PLA2R1: variants seen among roughly 807,000 people sequenced by gnomAD.
PLA2R1 encodes phospholipase A2 receptor 1.
PLA2R1 carries 158 observed loss-of-function variants against 195.9 expected under a neutral mutation model. The ratio of observed to expected loss-of-function variants is 0.81; its 90% CI spans 0.71 to 0.92. The LOEUF (loss-of-function observed/expected upper bound fraction) is 0.92. PLA2R1 is among the 40% of genes least tolerant of loss of function. The pLI is 0.00. For synonymous variants in PLA2R1, 586 were observed against 598.2 expected, an observed-to-expected ratio of 0.98 and a Z score of 0.30; for missense variants, 1,626 against 1,764.6, an observed-to-expected ratio of 0.92 and a Z score of 1.41.
chr2:160,038,927 C>G (rs771057136), intron 3 of PLA2R1, among the ~76,000 whole-genome samples: 2 of 151,996 alleles, frequency 1.3e-5, no homozygotes, highest in Non-Finnish European at 2.9e-5. Context: ...AGTGCAGTGG[C>G]GCGATCTTGG....
intron 14 of PLA2R1, among the ~76,000 whole-genome samples, chr2:159,979,122 T>G (rs569141839): frequency 2.0e-5 from 3 of 152,268 alleles, no homozygotes; most frequent in East Asian, 1.9e-4. Flanking sequence ...CTTAGGAGTC[T>G]CCCCATTTCA....
At position 159,984,038 on chromosome 2, in the gene PLA2R1, T is replaced by C. The variant is rs769345263; in HGVS notation, c.2073A>G (p.Thr691=). The change falls in exon 13 of 30, where the codon ACA becomes ACG. Residue 691 remains threonine (T), a synonymous_variant. Transcript: ENST00000283243. ...CGCAAAATGCTTCAGCTTCTCTCCA[T>C]GTTCTTTTCATCAGAACTTTTTCAC... The part of the protein sequence containing the change: ...FHSEKVLMKR[T]WREAEAFCEE... The C allele has an allele frequency of 2.5e-6, 4 of 1,583,374 alleles. No homozygotes were observed. The highest frequency in any genetic ancestry group is 2.2e-5 in the South Asian group (2 of 89,500).
intron 11 of PLA2R1, among the ~76,000 whole-genome samples, chr2:159,990,012 A>G (rs1214908833): frequency 6.6e-6 from 1 of 152,202 alleles, no homozygotes; most frequent in Non-Finnish European, 1.5e-5. Context: ...TTGGTATTCT[A>G]AAGTGGTTAA....
At chr2:160,005,869 A>T (rs1691949107) in intron 10 of PLA2R1, 48 bp from the exon 11 acceptor site, 1 of 1,325,340 alleles carries the variant, frequency 7.5e-7, no homozygotes, top group African/African-American at 1.4e-5. Context: ...CTGGGCAATA[A>T]AAAAATGTCA....
At chr2:160,017,509 C>A (rs1324506831) in intron 8 of PLA2R1, among the ~76,000 whole-genome samples, 2 of 152,092 alleles carry the variant, frequency 1.3e-5, no homozygotes, top group Non-Finnish European at 2.9e-5. Context: ...CATGAAACAC[C>A]CTAGGTAATA....
intron 23 of PLA2R1, among the ~76,000 whole-genome samples, chr2:159,954,113 G>A (rs927928522): frequency 2.6e-5 from 4 of 152,292 alleles, no homozygotes; most frequent in East Asian, 1.9e-4. Flanking sequence ...GATTACTGGC[G>A]TGAGCCACCG....
chr2:159,941,825 A>C lies in PLA2R1; in HGVS notation c.4345T>G (p.Leu1449Val). 1 of 1,612,040 alleles carries C rather than the reference A, an allele frequency of 6.2e-7. No homozygotes were observed. Among genetic ancestry groups the C allele is most frequent in the Non-Finnish European group, 8.5e-7 (1 of 1,178,248 alleles). The change falls in exon 30 of 30, where the codon TTA becomes GTA. Residue 1449 changes from leucine to valine, a missense_variant. Leu to Val is a conservative substitution (Grantham distance 32, BLOSUM62 1). Transcript: ENST00000283243. The stretch of plus-strand genomic sequence containing the variant: ...TCAGAAATGAGAATATTTTCTTCTA[A>C]ATATACTGTACTAAAGTTGGTTGCA... Reference protein sequence around the residue: ...YPATNFSTVYLEENILISDLE... With the variant: ...YPATNFSTVYVEENILISDLE...
At chr2:159,994,490 C>T (rs1021748151) in intron 11 of PLA2R1, among the ~76,000 whole-genome samples, 55 of 151,950 alleles carry the variant, frequency 3.6e-4, no homozygotes, top group Admixed American at 3.4e-3. Flanking sequence ...TGAGCATTAA[C>T]TGAAGATTTA....
At chr2:159,973,465 AGGGTGGG>A (rs1320460888) in intron 17 of PLA2R1, among the ~76,000 whole-genome samples, 1 of 106,860 alleles carries the variant, frequency 9.4e-6, no homozygotes, top group Non-Finnish European at 1.8e-5. Context: ...TAAGGTCATG[AGGGTGGG>A]GGGTGGGGGT....
chr2:159,981,679 A>G (rs1322959044), intron 13 of PLA2R1, among the ~76,000 whole-genome samples: 1 of 152,130 alleles, frequency 6.6e-6, no homozygotes, highest in Non-Finnish European at 1.5e-5. Context: ...TGCTGGGATT[A>G]CAGGTGTGGG....
At chr2:159,972,326 A>G (rs1365773285) in intron 17 of PLA2R1, among the ~76,000 whole-genome samples, 1 of 152,202 alleles carries the variant, frequency 6.6e-6, no homozygotes, top group Admixed American at 6.5e-5. Flanking sequence ...CAACAATAGA[A>G]GACTTATTAA....
intron 17 of PLA2R1, among the ~76,000 whole-genome samples, chr2:159,970,956 G>A (rs1046123451): frequency 1.3e-5 from 2 of 150,404 alleles, no homozygotes; most frequent in African/African-American, 4.9e-5. Flanking sequence ...CTGTCGGGGG[G>A]TGGGGGGCTG....
chr2:160,055,963 C>T (rs1367044446), intron 1 of PLA2R1, among the ~76,000 whole-genome samples: 2 of 152,026 alleles, frequency 1.3e-5, no homozygotes, highest in Non-Finnish European at 1.5e-5. Context: ...GTGGCAGCTA[C>T]CCCCCTTCCT....
At chr2:160,037,848 G>A (rs1413941298) in intron 3 of PLA2R1, among the ~76,000 whole-genome samples, 2 of 152,084 alleles carry the variant, frequency 1.3e-5, no homozygotes, top group Admixed American at 6.5e-5. Flanking sequence ...TTGTAATACT[G>A]TATTTTCTTA....
intron 13 of PLA2R1, among the ~76,000 whole-genome samples, chr2:159,981,215 A>ATG (rs1689925586): frequency 2.8e-5 from 3 of 107,374 alleles, no homozygotes; most frequent in African/African-American, 1.3e-4. Context: ...GTATGTGCAT[A>ATG]CGTGTGTGTG....
chr2:159,978,014 G>C (rs1689693576), intron 14 of PLA2R1, among the ~76,000 whole-genome samples: 1 of 152,128 alleles, frequency 6.6e-6, no homozygotes, highest in Non-Finnish European at 1.5e-5. Flanking sequence ...GCAAGCTTTG[G>C]TCTGAATTTG....
At chr2:160,001,430 A>G (rs1163575913) in intron 11 of PLA2R1, among the ~76,000 whole-genome samples, 1 of 152,036 alleles carries the variant, frequency 6.6e-6, no homozygotes, top group East Asian at 1.9e-4. Flanking sequence ...AATGGAAAGG[A>G]CATAATAAAA....
chr2:159,970,868 C>T lies in PLA2R1; in HGVS notation c.2596-656G>A, dbSNP rs187538234. ...AACACATGAACAGAAAACCAAACACCGCATGTTCTCACTCATAAGTGGGAG... is the reference window on the plus strand; with the variant it reads ...AACACATGAACAGAAAACCAAACACTGCATGTTCTCACTCATAAGTGGGAG... On this transcript the variant is annotated intron_variant, in intron 17 of 29. Coordinates refer to ENST00000283243, the MANE Select transcript of PLA2R1 (RefSeq NM_007366.5). Among the ~76,000 whole-genome samples, 435 of 149,814 alleles carry T rather than the reference C, an allele frequency of 2.9e-3. 1 individual carries two copies. Among genetic ancestry groups the T allele is most frequent in the African/African-American group, 0.01 (411 of 40,694 alleles).
chr2:160,051,476 A>G (rs1695209160), intron 1 of PLA2R1, among the ~76,000 whole-genome samples: 1 of 152,238 alleles, frequency 6.6e-6, no homozygotes, highest in Admixed American at 6.5e-5. Context: ...GATGCAGTCC[A>G]GAAGGAAATG....
Sources: allele counts gnomAD v4.1 joint callset (sites outside exome capture counted in the v4.1 genomes callset), GRCh38; gene constraint gnomAD v4.1.1; transcripts MANE v1.5; gene names NCBI Gene and HGNC (gene_info 2026-07-23, HGNC 2026-07-21).